NCOR1: variants seen among roughly 807,000 people sequenced by gnomAD.
NCOR1 encodes the protein nuclear receptor corepressor 1.
In NCOR1, 63 loss-of-function variants were observed where a neutral mutation model predicts 288.1. The observed-to-expected ratio is 0.22, with a 90% confidence interval of 0.18 to 0.27. NCOR1 has a LOEUF of 0.27. Among genes scored for constraint, NCOR1 ranks in the 10% least tolerant of loss-of-function variants. The pLI, the probability that NCOR1 is intolerant of heterozygous loss-of-function variation, is 1.00. For synonymous variants in NCOR1, 1,007 were observed against 1,065.9 expected (o/e 0.94, Z 1.08); for missense variants, 2,397 against 3,019.2 (o/e 0.79, Z 4.83).
chr17:16,039,782 C>T lies in NCOR1; in HGVS notation c.6734-128G>A, dbSNP rs991588231. 16 of 809,160 alleles carry T rather than the reference C, an allele frequency of 2.0e-5. No homozygotes were observed. In the Admixed American group the frequency reaches 3.3e-4, roughly 17 times the overall value. 50.1% of individuals were successfully genotyped at this position (809,160 alleles called of 1,614,324 possible). The stretch of plus-strand genomic sequence containing the variant: ...AGTGACCTAGAACAATACCAGGACC[C>T]ACCACACAGAGACCTTTTTTTTTGG... On this transcript the variant is annotated intron_variant, in intron 43 of 45. Transcript: ENST00000268712.
At chr17:16,111,866 ATTTATT>A (rs138314159) in intron 18 of NCOR1, among the ~76,000 whole-genome samples, 11,497 of 151,704 alleles carry the variant, frequency 0.076, 630 homozygotes, top group African/African-American at 0.16. Context: ...ACATTTATTT[ATTTATT>A]TTTATTTTTA....
chr17:16,059,049 CAAAAAAAAAAAA>C (rs57820388), intron 37 of NCOR1, among the ~76,000 whole-genome samples: 82 of 17,458 alleles, frequency 4.7e-3, no homozygotes, highest in African/African-American at 9.4e-3. Context: ...AACTCCGTCT[CAAAAAAAAAAAA>C]AAAAAAAAAA....
Position 16,158,585 on chromosome 17 carries a change from A to G in NCOR1, c.732+175T>C, listed in dbSNP as rs116038374. ...AGGCACAACTGTAAACTTTCTTTCA[A>G]TTGATAAGGAAAAAAACACCAAGCT... On this transcript the variant is annotated intron_variant, in intron 6 of 45. Transcript: ENST00000268712. Among the ~76,000 whole-genome samples the G allele has an allele frequency of 8.9e-3, 1,353 of 152,320 alleles. 21 individuals carry two copies. The highest frequency in any genetic ancestry group is 0.031 in the African/African-American group (1,287 of 41,572).
chr17:16,038,170 C>G (rs925090685), intron 44 of NCOR1, among the ~76,000 whole-genome samples: 6 of 151,886 alleles, frequency 4.0e-5, no homozygotes, highest in African/African-American at 1.5e-4. Context: ...TAAACTAAAA[C>G]AGAAATACTG....
chr17:16,036,882 TC>T (rs2151912454), intron 44 of NCOR1, among the ~76,000 whole-genome samples: 1 of 152,388 alleles, frequency 6.6e-6, no homozygotes, highest in South Asian at 2.1e-4. Flanking sequence ...AATAGCACTT[TC>T]AATTTCCTTC....
In NCOR1 at chr17:16,080,444, G is replaced by A; in HGVS notation, c.3364C>T (p.Leu1122=). 3 of 1,614,164 alleles carry A rather than the reference G, an allele frequency of 1.9e-6. No individual in the cohort carries two copies. Among genetic ancestry groups the A allele is most frequent in the Non-Finnish European group, 2.5e-6 (3 of 1,180,016 alleles). Residue 1122 remains leucine (L), a synonymous_variant, in exon 25 of 46, where the codon CTG becomes TTG. Transcript: ENST00000268712. ...CCTTCATGTTGGGCCCTGACCAACA[G>A]ACCCTCAGGTTGTGAGTTTTGGCTT... ...PRSQNSQPEG[L]LVRAQHEGVV...
intron 1 of NCOR1, among the ~76,000 whole-genome samples, chr17:16,197,413 T>C (rs1160097996): frequency 2.0e-5 from 3 of 152,192 alleles, no homozygotes; most frequent in Non-Finnish European, 4.4e-5. Context: ...GATGTCATGT[T>C]TCCTGCTGTT....
At chr17:16,155,748 G>A (rs2079651199) in intron 6 of NCOR1, among the ~76,000 whole-genome samples, 1 of 152,108 alleles carries the variant, frequency 6.6e-6, no homozygotes, top group African/African-American at 2.4e-5. Flanking sequence ...AAATAAGAGG[G>A]AGGTGTACTT....
intron 2 of NCOR1, among the ~76,000 whole-genome samples, chr17:16,189,372 C>G (rs1231114936): frequency 2.6e-5 from 4 of 151,524 alleles, no homozygotes; most frequent in Non-Finnish European, 4.4e-5. Context: ...TCAGCCTGGG[C>G]AACAGAGTGA....
intron 3 of NCOR1, among the ~76,000 whole-genome samples, chr17:16,177,441 C>A (rs986327155): frequency 1.3e-5 from 2 of 152,158 alleles, no homozygotes; most frequent in Non-Finnish European, 2.9e-5. Flanking sequence ...CCATTCCCCA[C>A]CCTCCTGCTC....
intron 31 of NCOR1, 30 bp from the exon 32 acceptor site, chr17:16,068,151 C>T: frequency 1.3e-6 from 2 of 1,493,526 alleles, no homozygotes. Flanking sequence ...GCCACAAGTT[C>T]TTAAGAAACT....
chr17:16,150,704 GAA>G (rs555399256), intron 8 of NCOR1, among the ~76,000 whole-genome samples: 4 of 136,934 alleles, frequency 2.9e-5, no homozygotes, highest in Non-Finnish European at 4.8e-5. Flanking sequence ...GGCTTTGTGG[GAA>G]AAAAAAAAAA....
chr17:16,157,955 C>T (rs1057135199), intron 6 of NCOR1, among the ~76,000 whole-genome samples: 4 of 151,574 alleles, frequency 2.6e-5, no homozygotes, highest in Admixed American at 2.0e-4. Flanking sequence ...ACCTAAAGGT[C>T]AAAATCTACC....
At chr17:16,072,880 A>G (rs1431077663) in intron 28 of NCOR1, among the ~76,000 whole-genome samples, 1 of 152,194 alleles carries the variant, frequency 6.6e-6, no homozygotes, top group Non-Finnish European at 1.5e-5. Flanking sequence ...ACAAAATCAT[A>G]CTGATCATGT....
intron 2 of NCOR1, chr17:16,191,949 AC>A (rs886818936): frequency 2.6e-4 from 39 of 151,536 alleles, no homozygotes; most frequent in African/African-American, 9.2e-4. Flanking sequence ...AGATGTCTAC[AC>A]TAAGTTCAGC....
intron 29 of NCOR1, 77 bp from the exon 30 acceptor site, chr17:16,071,742 A>G: frequency 7.7e-7 from 1 of 1,297,618 alleles, no homozygotes; most frequent in Non-Finnish European, 1.1e-6. Context: ...GCACTTAAAA[A>G]TGGTTAAAAT....
intron 10 of NCOR1, among the ~76,000 whole-genome samples, chr17:16,145,858 G>A (rs2153343865): frequency 6.6e-6 from 1 of 152,350 alleles, no homozygotes; most frequent in South Asian, 2.1e-4. Context: ...CTAGAGAGGG[G>A]GGGAAATGTG....
At chr17:16,202,854 T>C (rs200858364) in intron 1 of NCOR1, among the ~76,000 whole-genome samples, 1 of 152,160 alleles carries the variant, frequency 6.6e-6, no homozygotes, top group African/African-American at 2.4e-5. Flanking sequence ...CCGAGCTCCA[T>C]AAATCTTAAA....
rs778043866 is a variant in NCOR1, at chr17:16,152,016, T to C, written c.790-18A>G. The C allele has an allele frequency of 2.6e-6, 4 of 1,527,332 alleles. No individual in the cohort carries two copies. The highest frequency in any genetic ancestry group is 4.5e-5 in the East Asian group (2 of 43,966). The allele number at this position is 1,527,332 out of a possible 1,614,324, so 94.6% of individuals were successfully genotyped here. On this transcript the variant is annotated intron_variant, in intron 7 of 45. Transcript: ENST00000268712. ...TACAGTGGCTATAAAAGAAATCAAA[T>C]ATTTATGTATAAAATGTTGTACATA...
Sources: gnomAD v4.1 joint callset for allele counts (sites outside exome capture counted in the v4.1 genomes callset) on GRCh38, gnomAD v4.1.1 for gene constraint, MANE v1.5 for transcripts, NCBI Gene and HGNC (gene_info 2026-07-23, HGNC 2026-07-21) for gene names.